Variants in FAT4 observed in about 807,000 individuals in gnomAD.
FAT4 encodes protocadherin Fat 4.
A neutral mutation model predicts 303.9 loss-of-function variants in FAT4; 84 were observed. That is an observed-to-expected ratio of 0.28 (90% CI 0.23 to 0.33). FAT4 has a LOEUF of 0.33. Among genes scored for constraint, FAT4 ranks in the 10% least tolerant of loss-of-function variants. The pLI is 1.00. For synonymous variants in FAT4, 2,307 were observed against 2,298.8 expected (o/e 1.00, Z -0.10); for missense variants, 6,005 against 6,146.8 (o/e 0.98, Z 0.77).
intron 8 of FAT4, among the ~76,000 whole-genome samples, chr4:125,441,061 C>T (rs190528628): frequency 1.6e-4 from 24 of 152,202 alleles, no homozygotes; most frequent in Non-Finnish European, 2.6e-4. Context: ...AACTCACTTC[C>T]ACGCCTCTAG....
intron 2 of FAT4, among the ~76,000 whole-genome samples, chr4:125,386,774 A>C (rs1733766686): frequency 6.6e-6 from 1 of 152,224 alleles, no homozygotes; most frequent in South Asian, 2.1e-4. Flanking sequence ...ATACAACACA[A>C]GACTCTAGAA....
At chr4:125,463,405 A>G (rs1215686025) in intron 10 of FAT4, among the ~76,000 whole-genome samples, 158 bp from the exon 11 acceptor site, 2 of 152,038 alleles carry the variant, frequency 1.3e-5, no homozygotes, top group Non-Finnish European at 2.9e-5. Context: ...TTTAAATTCT[A>G]AGATATTATT....
At chr4:125,446,031 C>T (rs932666048) in intron 8 of FAT4, 32 of 284,570 alleles carry the variant, frequency 1.1e-4, no homozygotes, top group Admixed American at 1.9e-4. Flanking sequence ...GTTTGGTGGC[C>T]TTGCACAACT....
chr4:125,477,234 G>T lies in FAT4; in HGVS notation c.12379G>T (p.Val4127Leu), dbSNP rs761178590. Residue 4127 changes from valine to leucine, a missense_variant, in exon 14 of 18, where the codon GTG (valine) becomes TTG (leucine). Physicochemically the swap from Val to Leu is conservative, Grantham distance 32 (BLOSUM62 1). Coordinates refer to ENST00000394329, the MANE Select transcript of FAT4 (RefSeq NM_001291303.3). ...LEPILQRRGH[V>L]ESHDFVGCIM... ...ACCAATCCTTCAGAGAAGAGGACAC[G>T]TGGAAAGCCATGATTTTGTTGGGTG... 3 of 1,550,632 alleles carry T rather than the reference G, an allele frequency of 1.9e-6. No homozygotes were observed. The highest frequency in any genetic ancestry group is 3.6e-5 in the Admixed American group (2 of 54,948).
intron 11 of FAT4, among the ~76,000 whole-genome samples, chr4:125,466,409 G>C (rs1726663459): frequency 6.6e-6 from 1 of 151,802 alleles, no homozygotes; most frequent in South Asian, 2.1e-4. Context: ...ATTCAGAAGA[G>C]ACCTAAGTGA....
At position 125,317,290 on chromosome 4, in the gene FAT4, G is replaced by T; in HGVS notation, c.879G>T (p.Gly293=). ...TCCGCTATCGCCTGCAGGACGAGGG[G>T]ACCCCCTTCCAAATGGACCCTGAGA... The part of the protein sequence containing the change: ...ADIRYRLQDE[G]TPFQMDPETG... The change falls in exon 2 of 18, where the codon GGG becomes GGT. Residue 293 remains glycine, a synonymous_variant. Transcript: ENST00000394329. The surrounding 1 kb of genome is among the most constrained non-coding windows in gnomAD (Gnocchi z 7.0). The T allele has an allele frequency of 1.9e-6, 3 of 1,594,318 alleles. No homozygotes were observed. Among genetic ancestry groups the T allele is most frequent in the Non-Finnish European group, 2.6e-6 (3 of 1,168,002 alleles).
chr4:125,491,054 C>G lies in FAT4; in HGVS notation c.14238C>G (p.Asn4746Lys), dbSNP rs1333905412. The change falls in exon 18 of 18, where the codon AAC becomes AAG. Residue 4746 changes from asparagine to lysine, a missense_variant. Asn to Lys is a moderately conservative substitution (Grantham distance 94, BLOSUM62 0). Transcript: ENST00000394329. Reference protein sequence around the residue: ...HGDTCQPGIFNYATRLGRRSK... With the variant: ...HGDTCQPGIFKYATRLGRRSK... ...ACACCTGCCAACCTGGCATTTTCAA[C>G]TATGCCACAAGGCTGGGAAGGAGAA... The G allele has an allele frequency of 6.2e-7, 1 of 1,614,218 alleles. No individual in the cohort carries two copies. The highest frequency in any genetic ancestry group is 8.5e-7 in the Non-Finnish European group (1 of 1,180,044).
chr4:125,317,329 G>T lies in FAT4; in HGVS notation c.918G>T (p.Thr306=). ...FQMDPETGLI[T]VREPLDFEAR... ...TGGACCCTGAGACGGGACTTATCACGGTGCGGGAGCCCCTGGACTTCGAAG... is the reference window on the plus strand; with the variant it reads ...TGGACCCTGAGACGGGACTTATCACTGTGCGGGAGCCCCTGGACTTCGAAG... Residue 306 remains threonine (T), a synonymous_variant, in exon 2 of 18, where the codon ACG becomes ACT. Coordinates refer to ENST00000394329, the MANE Select transcript of FAT4 (RefSeq NM_001291303.3). This position sits in a 1 kb window ranked among gnomAD's most constrained non-coding sequence, Gnocchi z 7.0. 4 of 1,609,816 alleles carry T rather than the reference G, an allele frequency of 2.5e-6. No homozygotes were observed. The highest frequency in any genetic ancestry group is 3.4e-6 in the Non-Finnish European group (4 of 1,177,280).
intron 7 of FAT4, among the ~76,000 whole-genome samples, chr4:125,428,561 A>G (rs1378903638): frequency 1.3e-5 from 2 of 152,156 alleles, no homozygotes; most frequent in Non-Finnish European, 2.9e-5. Flanking sequence ...TGTAAATTTT[A>G]AGATATGCCA....
intron 12 of FAT4, among the ~76,000 whole-genome samples, chr4:125,475,687 A>G (rs1727003856): frequency 6.6e-6 from 1 of 152,240 alleles, no homozygotes; most frequent in African/African-American, 2.4e-5. Context: ...ATAGATTGCT[A>G]TATAGTATTT....
intron 10 of FAT4, among the ~76,000 whole-genome samples, chr4:125,456,022 A>G (rs1055760665): frequency 6.6e-6 from 1 of 152,194 alleles, no homozygotes; most frequent in Non-Finnish European, 1.5e-5. Context: ...TGCTGCACCA[A>G]GTGATCTGAG....
chr4:125,448,339 A>G (rs758898802), intron 9 of FAT4, 122 bp from the exon 10 acceptor site: 3 of 872,204 alleles, frequency 3.4e-6, no homozygotes, highest in Non-Finnish European at 5.3e-6. Flanking sequence ...TGTTCTCCCT[A>G]GTAATCATGA....
In FAT4 at chr4:125,490,235, C is replaced by T; in HGVS notation, c.13419C>T (p.Val4473=). The change falls in exon 18 of 18, where the codon GTC becomes GTT. Residue 4473 remains valine (V), a synonymous_variant. Coordinates refer to ENST00000394329, the MANE Select transcript of FAT4 (RefSeq NM_001291303.3). ...TCEMVVACLG[V]LCPQGKVCKA... Reference sequence around the variant, plus strand: ...AGATGGTGGTGGCCTGTCTTGGCGTCCTCTGTCCTCAGGGGAAGGTGTGCA... The same window carrying T: ...AGATGGTGGTGGCCTGTCTTGGCGTTCTCTGTCCTCAGGGGAAGGTGTGCA... The T allele has an allele frequency of 6.2e-7, 1 of 1,614,154 alleles. No homozygotes were observed. Among genetic ancestry groups the T allele is most frequent in the Non-Finnish European group, 8.5e-7 (1 of 1,180,046 alleles).
At position 125,442,724 on chromosome 4, in the gene FAT4, G is replaced by A. The variant is rs145893009; in HGVS notation, c.7200-3569G>A. Among the ~76,000 whole-genome samples, 96 of 152,180 alleles carry A rather than the reference G, an allele frequency of 6.3e-4. 1 individual carries two copies. In the East Asian group the frequency reaches 0.015, roughly 24 times the overall value. On this transcript the variant is annotated intron_variant, in intron 8 of 17. Transcript: ENST00000394329. Reference sequence around the variant, plus strand: ...TATGTATATGCAAATATTCTATCCAGAGAAATCCAAACACCCCTGGTTCCA... The same window carrying A: ...TATGTATATGCAAATATTCTATCCAAAGAAATCCAAACACCCCTGGTTCCA...
chr4:125,479,697 T>G, intron 14 of FAT4, 44 bp from the exon 15 acceptor site: 1 of 1,469,038 alleles, frequency 6.8e-7, no homozygotes, highest in Non-Finnish European at 9.2e-7. Context: ...AAACTTCTCC[T>G]CATCTTTTAT....
chr4:125,320,015 G>T lies in FAT4; in HGVS notation c.3604G>T (p.Asp1202Tyr). 6.2e-7 allele frequency: 1 copy of T among 1,613,004 alleles called. No individual in the cohort carries two copies. The highest frequency in any genetic ancestry group is 8.5e-7 in the Non-Finnish European group (1 of 1,180,018). ...GGCCACTGTACATGTTTACATGAAGGATATAAATGATAATGCTCCCAAATT... is the reference window on the plus strand; with the variant it reads ...GGCCACTGTACATGTTTACATGAAGTATATAAATGATAATGCTCCCAAATT... Reference protein sequence around the residue: ...DQATVHVYMKDINDNAPKFLK... With the variant: ...DQATVHVYMKYINDNAPKFLK... Residue 1202 changes from aspartate to tyrosine, a missense_variant, in exon 2 of 18, where the codon GAT becomes TAT. Physicochemically the swap from Asp to Tyr is radical, Grantham distance 160. Transcript: ENST00000394329.
At chr4:125,339,705 G>C (rs1300242850) in intron 2 of FAT4, among the ~76,000 whole-genome samples, 1 of 152,044 alleles carries the variant, frequency 6.6e-6, no homozygotes, top group African/African-American at 2.4e-5. Context: ...GAAAACTGAG[G>C]CTCAGGGAAG....
At chr4:125,476,847 A>T (rs1249883841) in intron 13 of FAT4, among the ~76,000 whole-genome samples, 3 of 152,136 alleles carry the variant, frequency 2.0e-5, no homozygotes, top group African/African-American at 7.2e-5. Flanking sequence ...TAGAGTTGTC[A>T]CTAATTCTAC....
chr4:125,375,488 A>G (rs1160537952), intron 2 of FAT4, among the ~76,000 whole-genome samples: 2 of 152,160 alleles, frequency 1.3e-5, no homozygotes, highest in Non-Finnish European at 2.9e-5. Flanking sequence ...GGCCTTGGCA[A>G]ACTACTTGGA....
Sources: allele counts gnomAD v4.1 joint callset (sites outside exome capture counted in the v4.1 genomes callset), GRCh38; gene constraint gnomAD v4.1.1; non-coding constraint Gnocchi (gnomAD v3.1); transcripts MANE v1.5; gene names NCBI Gene and HGNC (gene_info 2026-07-23, HGNC 2026-07-21).